Variants in BCR observed in about 807,000 individuals in gnomAD.
The protein encoded by BCR is breakpoint cluster region protein.
In BCR, 58 loss-of-function variants were observed where a neutral mutation model predicts 138.6. The ratio of observed to expected loss-of-function variants is 0.42; its 90% confidence interval spans 0.34 to 0.52. BCR has a LOEUF of 0.52. Among genes scored for constraint, BCR ranks in the 20% least tolerant of loss-of-function variants. The pLI is 0.06. For synonymous variants in BCR, 786 were observed against 730.1 expected (o/e 1.08, Z -1.23); for missense variants, 1,599 against 1,727.2 (o/e 0.93, Z 1.32).
chr22:23,238,830 C>T lies in BCR; in HGVS notation c.1280-14969C>T, dbSNP rs954032530. 3.5e-4 allele frequency among the ~76,000 whole-genome samples: 52 copies of T among 150,590 alleles called. 1 individual carries two copies. The highest frequency in any genetic ancestry group is 6.5e-4 in the Non-Finnish European group (44 of 67,820). ...TACCCCTCCAGGGCCGGTGGGAACA[C>T]GAGTGGTTTTTGTGTGTGTATGTGG... On this transcript the variant is annotated intron_variant, in intron 1 of 22. Transcript: ENST00000305877.
At chr22:23,263,125 CAG>C in intron 4 of BCR, 1 of 708,066 alleles carries the variant, frequency 1.4e-6, no homozygotes, top group Non-Finnish European at 2.3e-6. Context: ...ATCCCGGGGA[CAG>C]GGGCGGCCAT....
At position 23,184,460 on chromosome 22, in the gene BCR, T is replaced by G. The variant is rs11705692; in HGVS notation, c.1279+2221T>G. Among the ~76,000 whole-genome samples, 243 of 152,262 alleles carry G rather than the reference T, an allele frequency of 1.6e-3. 1 individual carries two copies. Among genetic ancestry groups the G allele is most frequent in the Admixed American group, 2.6e-3 (39 of 15,284 alleles). ...AGGGATTATTTTCCCTCAGACAGTT[T>G]TTCTTTTTTAAGACTTAATTTTTTT... On this transcript the variant is annotated intron_variant, in intron 1 of 22. Transcript: ENST00000305877.
intron 11 of BCR, 110 bp from the exon 12 acceptor site, chr22:23,287,987 C>T (rs2073737102): frequency 2.8e-6 from 3 of 1,071,420 alleles, no homozygotes; most frequent in Non-Finnish European, 4.3e-6. Flanking sequence ...GGCCACTGGG[C>T]TCCAGCCGGC....
intron 16 of BCR, among the ~76,000 whole-genome samples, chr22:23,308,548 G>T (rs1214835562): frequency 1.3e-5 from 2 of 152,068 alleles, no homozygotes; most frequent in Non-Finnish European, 2.9e-5. Flanking sequence ...CTCGTGATCC[G>T]CCCACCTCAG....
At chr22:23,183,262 G>T (rs1483297759) in intron 1 of BCR, among the ~76,000 whole-genome samples, 5 of 152,310 alleles carry the variant, frequency 3.3e-5, no homozygotes, top group Admixed American at 3.3e-4. Context: ...AGGCTGTCGG[G>T]AATCTTTTGG....
intron 1 of BCR, among the ~76,000 whole-genome samples, chr22:23,183,782 C>G (rs2072302243): frequency 6.6e-6 from 1 of 152,234 alleles, no homozygotes; most frequent in Non-Finnish European, 1.5e-5. Context: ...ATAGTCTTTG[C>G]TGGTGGAGAA....
chr22:23,241,126 C>T (rs1262306334), intron 1 of BCR, among the ~76,000 whole-genome samples: 4 of 152,196 alleles, frequency 2.6e-5, no homozygotes, highest in Non-Finnish European at 5.9e-5. Flanking sequence ...TTGTGGATGG[C>T]GCTGCTGGGA....
chr22:23,227,931 TG>T (rs2072912805), intron 1 of BCR, among the ~76,000 whole-genome samples: 1 of 152,174 alleles, frequency 6.6e-6, no homozygotes, highest in South Asian at 2.1e-4. Flanking sequence ...GTTAGGGGTA[TG>T]GGGGTCAGGG....
chr22:23,204,897 G>A (rs1331353844), intron 1 of BCR, among the ~76,000 whole-genome samples: 2 of 152,190 alleles, frequency 1.3e-5, no homozygotes, highest in Non-Finnish European at 2.9e-5. Context: ...AGTGCCAGCT[G>A]GTGTCTTGCC....
intron 6 of BCR, among the ~76,000 whole-genome samples, chr22:23,271,972 C>A (rs912498207): frequency 6.6e-6 from 1 of 151,938 alleles, no homozygotes; most frequent in Admixed American, 6.6e-5. Flanking sequence ...ATTACAGGCA[C>A]ACACCACCAC....
chr22:23,301,456 C>T lies in BCR; in HGVS notation c.3012+6301C>T, dbSNP rs542451706. On this transcript the variant is annotated intron_variant, in intron 16 of 22. Transcript: ENST00000305877. Reference sequence around the variant, plus strand: ...GCCCCCGTCCCTGTTGCGCTGCACTCGGCTAGGCTGCAGACTAGCCCTCCA... The same window carrying T: ...GCCCCCGTCCCTGTTGCGCTGCACTTGGCTAGGCTGCAGACTAGCCCTCCA... 1.8e-3 allele frequency among the ~76,000 whole-genome samples: 273 copies of T among 152,350 alleles called. 2 individuals carry two copies. Among genetic ancestry groups the T allele is most frequent in the African/African-American group, 5.5e-3 (229 of 41,590 alleles).
chr22:23,271,539 G>C lies in BCR; in HGVS notation c.1868G>C (p.Arg623Thr). 1 of 1,614,072 alleles carries C rather than the reference G, an allele frequency of 6.2e-7. No individual in the cohort carries two copies. Among genetic ancestry groups the C allele is most frequent in the Non-Finnish European group, 8.5e-7 (1 of 1,180,016 alleles). ...AQFAEISENL[R>T]ARSNKDAKDP... is the part of the protein sequence containing the mutation. The stretch of plus-strand genomic sequence containing the variant: ...GCGCTTTTCTCTCTGCAGAACCTGA[G>C]AGCCAGAAGCAACAAAGATGCCAAG... Residue 623 changes from arginine to threonine, a missense_variant, in exon 6 of 23, where the codon AGA (arginine) becomes ACA (threonine). Arg to Thr is a moderately conservative substitution (Grantham distance 71). Coordinates refer to ENST00000305877, the MANE Select transcript of BCR (RefSeq NM_004327.4).
rs2073538656 is a variant in BCR, at chr22:23,273,761, T to C, written c.2102T>C (p.Val701Ala). 5 of 1,614,078 alleles carry C rather than the reference T, an allele frequency of 3.1e-6. No homozygotes were observed. Among genetic ancestry groups the C allele is most frequent in the Non-Finnish European group, 3.4e-6 (4 of 1,180,012 alleles). Residue 701 changes from valine (V) to alanine (A), a missense_variant, in exon 8 of 23, where the codon GTG becomes GCG. By Grantham distance (64) the Val-to-Ala change is moderately conservative. Transcript: ENST00000305877. ...ACACCCCGACGGCAGTCCATGACGG[T>C]GAAGAAGGGAGAGGTGAGTGTGGCA... ...EITPRRQSMT[V>A]KKGEHRQLLK...
chr22:23,252,769 G>C (rs1460790329), intron 1 of BCR, among the ~76,000 whole-genome samples: 2 of 152,100 alleles, frequency 1.3e-5, no homozygotes, highest in Non-Finnish European at 2.9e-5. Context: ...CCCCCTGTAT[G>C]GGGGAGAACC....
At chr22:23,293,619 G>A (rs772697560) in intron 15 of BCR, among the ~76,000 whole-genome samples, 11 of 152,214 alleles carry the variant, frequency 7.2e-5, no homozygotes, top group Admixed American at 6.5e-4. Flanking sequence ...AGAGTGCCAC[G>A]ACCCAGCAGA....
At chr22:23,283,925 C>G (rs368926085) in intron 8 of BCR, 52 bp from the exon 9 acceptor site, 23 of 1,517,850 alleles carry the variant, frequency 1.5e-5, no homozygotes, top group South Asian at 5.0e-5. Context: ...CCGAACACCC[C>G]CCACCCATCA....
intron 1 of BCR, among the ~76,000 whole-genome samples, chr22:23,222,105 A>G (rs2072831282): frequency 7.0e-6 from 1 of 142,552 alleles, no homozygotes; most frequent in Non-Finnish European, 1.5e-5. Flanking sequence ...AACAAAAAAA[A>G]GAGAGAGAAG....
chr22:23,191,515 A>C (rs1000437317), intron 1 of BCR, among the ~76,000 whole-genome samples: 2 of 152,204 alleles, frequency 1.3e-5, no homozygotes, highest in African/African-American at 4.8e-5. Flanking sequence ...ATCTTTCTTT[A>C]ACGGTATATT....
chr22:23,313,463 T>TTA (rs2074030596), intron 20 of BCR, among the ~76,000 whole-genome samples: 2 of 152,236 alleles, frequency 1.3e-5, no homozygotes, highest in African/African-American at 2.4e-5. Flanking sequence ...TGCATCACCC[T>TTA]TAGGGCAGGT....
Sources: gnomAD v4.1 joint callset for allele counts (sites outside exome capture counted in the v4.1 genomes callset) on GRCh38, gnomAD v4.1.1 for gene constraint, MANE v1.5 for transcripts, NCBI Gene and HGNC (gene_info 2026-07-23, HGNC 2026-07-21) for gene names.